PPM1H: variants seen among roughly 807,000 people sequenced by gnomAD.
The protein encoded by PPM1H is protein phosphatase, Mg2+/Mn2+ dependent 1H.
In PPM1H, 27 loss-of-function variants were observed where a neutral mutation model predicts 54.9. That is an observed-to-expected ratio of 0.49 (90% CI 0.36 to 0.68). The LOEUF (loss-of-function observed/expected upper bound fraction) is 0.68, where lower values mean the gene tolerates loss of function less well. PPM1H is among the 30% of genes least tolerant of loss of function. The pLI is 0.00. For missense variants in PPM1H, 596 were observed against 667.8 expected (o/e 0.89, Z 1.19); for synonymous variants, 305 against 270.8 (o/e 1.13, Z -1.24).
At chr12:62,898,957 G>A (rs1362490059) in intron 1 of PPM1H, among the ~76,000 whole-genome samples, 1 of 152,142 alleles carries the variant, frequency 6.6e-6, no homozygotes, top group Non-Finnish European at 1.5e-5. Context: ...TGAAAGGCTC[G>A]TGTACATCAA....
intron 5 of PPM1H, among the ~76,000 whole-genome samples, chr12:62,735,213 C>CT (rs1410433559): frequency 2.7e-5 from 4 of 149,872 alleles, no homozygotes; most frequent in East Asian, 1.9e-4. Context: ...TTTTTTTTTT[C>CT]TTTTTTTTAA....
chr12:62,726,453 T>G (rs2076289777), intron 5 of PPM1H, among the ~76,000 whole-genome samples: 1 of 151,632 alleles, frequency 6.6e-6, no homozygotes, highest in Admixed American at 6.6e-5. Context: ...TACTTTCATT[T>G]GAAAAAAAAA....
intron 4 of PPM1H, among the ~76,000 whole-genome samples, chr12:62,775,071 T>C (rs541980707): frequency 3.3e-5 from 5 of 152,258 alleles, no homozygotes. Flanking sequence ...TTCATTACTG[T>C]TATTTTTTAA....
intron 5 of PPM1H, among the ~76,000 whole-genome samples, chr12:62,724,356 GCCT>G (rs2076278642): frequency 6.6e-6 from 1 of 152,224 alleles, no homozygotes; most frequent in African/African-American, 2.4e-5. Flanking sequence ...CAGGCGCTTT[GCCT>G]CCTAACAGGA....
intron 8 of PPM1H, among the ~76,000 whole-genome samples, chr12:62,686,478 C>A (rs1350841552): frequency 6.6e-6 from 1 of 152,144 alleles, no homozygotes; most frequent in African/African-American, 2.4e-5. Flanking sequence ...GAAAAGTCCA[C>A]GAGTCCAGTT....
chr12:62,755,511 G>A (rs1222735192), intron 4 of PPM1H: 5 of 663,808 alleles, frequency 7.5e-6, no homozygotes, highest in South Asian at 1.6e-5. Context: ...AGTATATCAT[G>A]GAATCCACCG....
intron 1 of PPM1H, among the ~76,000 whole-genome samples, chr12:62,927,338 T>C (rs1872000120): frequency 6.6e-6 from 1 of 152,132 alleles, no homozygotes; most frequent in African/African-American, 2.4e-5. Context: ...AGCCCTTCAA[T>C]GGAATATTAG....
chr12:62,905,844 A>AATAGATCATATGGTAGCTTCC (rs1239914063), intron 1 of PPM1H, among the ~76,000 whole-genome samples: 1 of 152,184 alleles, frequency 6.6e-6, no homozygotes, highest in East Asian at 1.9e-4. Context: ...TGGAGATAGT[A>AATAGATCATATGGTAGCTTCC]ATAGATCATA....
chr12:62,706,600 T>C (rs61669097), intron 6 of PPM1H, among the ~76,000 whole-genome samples: 2,886 of 152,306 alleles, frequency 0.019, 90 homozygotes, highest in African/African-American at 0.066. Flanking sequence ...GTAAGCTAGA[T>C]AGAAACATTA....
Position 62,768,696 on chromosome 12 carries a change from C to T in PPM1H, c.869+19530G>A, listed in dbSNP as rs116019055. Among the ~76,000 whole-genome samples the T allele has an allele frequency of 7.5e-4, 114 of 151,700 alleles. 1 individual carries two copies. Among genetic ancestry groups the T allele is most frequent in the African/African-American group, 2.6e-3 (109 of 41,384 alleles). On this transcript the variant is annotated intron_variant, in intron 4 of 9. Transcript: ENST00000228705. ...ACACAGGGATAAGGGGAAGGTTGTG[C>T]GAAATGAGAGAACTTTGAGTATGTT... is the stretch of plus-strand genomic sequence containing the variant.
At chr12:62,868,226 G>T (rs1349333713) in intron 1 of PPM1H, among the ~76,000 whole-genome samples, 1 of 152,184 alleles carries the variant, frequency 6.6e-6, no homozygotes, top group Non-Finnish European at 1.5e-5. Flanking sequence ...TGACACCATG[G>T]TCTGTTCTGC....
intron 9 of PPM1H, among the ~76,000 whole-genome samples, chr12:62,665,274 C>T (rs1260577324): frequency 6.6e-6 from 1 of 152,148 alleles, no homozygotes; most frequent in African/African-American, 2.4e-5. Context: ...GTCTTGAACT[C>T]CTGACCTCAG....
intron 4 of PPM1H, among the ~76,000 whole-genome samples, chr12:62,773,816 G>A (rs1592592408): frequency 6.6e-6 from 1 of 152,302 alleles, no homozygotes; most frequent in East Asian, 1.9e-4. Flanking sequence ...TTCCTGGGAA[G>A]CTTAGATTTC....
At chr12:62,847,973 TCTCATTGTTCC>T (rs1267633034) in intron 1 of PPM1H, among the ~76,000 whole-genome samples, 63 of 152,292 alleles carry the variant, frequency 4.1e-4, no homozygotes, top group African/African-American at 1.3e-3. Flanking sequence ...TTAAAATAGA[TCTCATTGTTCC>T]AGAATCCTGC....
chr12:62,760,284 G>A (rs1311117843), intron 4 of PPM1H, among the ~76,000 whole-genome samples: 1 of 152,090 alleles, frequency 6.6e-6, no homozygotes, highest in African/African-American at 2.4e-5. Context: ...TCTGCTCCCA[G>A]TGAGACTCGT....
At chr12:62,927,753 A>T (rs1473915172) in intron 1 of PPM1H, among the ~76,000 whole-genome samples, 4 of 152,080 alleles carry the variant, frequency 2.6e-5, no homozygotes, top group Non-Finnish European at 5.9e-5. Flanking sequence ...GAGACATGTT[A>T]TAAGACATGT....
At chr12:62,932,984 G>T (rs1046454959) in intron 1 of PPM1H, among the ~76,000 whole-genome samples, 6 of 152,088 alleles carry the variant, frequency 3.9e-5, no homozygotes, top group African/African-American at 1.4e-4. Context: ...AATAGTGTTT[G>T]GTATGTTTGG....
In PPM1H at chr12:62,669,969, C is replaced by CTTTTTTTTTTTTT. The variant is rs1161094944; in HGVS notation, c.1246-2653_1246-2641dup. 3.4e-4 allele frequency among the ~76,000 whole-genome samples: 16 copies of CTTTTTTTTTTTTT among 46,424 alleles called. 3 individuals are homozygous for CTTTTTTTTTTTTT. Among genetic ancestry groups the CTTTTTTTTTTTTT allele is most frequent in the African/African-American group, 1.6e-3 (14 of 8,778 alleles). 30.5% of individuals were successfully genotyped at this position (46,424 alleles called of 152,430 possible). On this transcript the variant is annotated intron_variant, in intron 8 of 9. Coordinates refer to ENST00000228705, the MANE Select transcript of PPM1H (RefSeq NM_020700.2). ...AAAATAGTGTTTAGAGGATTGATTC[C>CTTTTTTTTTTTTT]TTTTTTTTTTTTTTTTTTTTTTTTT...
At chr12:62,893,997 C>G (rs1870892401) in intron 1 of PPM1H, among the ~76,000 whole-genome samples, 1 of 152,118 alleles carries the variant, frequency 6.6e-6, no homozygotes. Context: ...CAGACATCAG[C>G]CATTACAGCT....
Sources: allele counts gnomAD v4.1 joint callset (sites outside exome capture counted in the v4.1 genomes callset), GRCh38; gene constraint gnomAD v4.1.1; transcripts MANE v1.5; gene names NCBI Gene and HGNC (gene_info 2026-07-23, HGNC 2026-07-21).